The following PPP3CC variants were observed in gnomAD, a reference collection of about 807,000 sequenced individuals.
The protein encoded by PPP3CC is protein phosphatase 3 catalytic subunit gamma.
A neutral mutation model predicts 60.3 loss-of-function variants in PPP3CC; 35 were observed. The ratio of observed to expected loss-of-function variants is 0.58; its 90% CI spans 0.44 to 0.77. The LOEUF (loss-of-function observed/expected upper bound fraction) is 0.77. Ranked by LOEUF, PPP3CC falls within the 30% of genes least tolerant of loss-of-function variation. The pLI is 0.00. For synonymous variants in PPP3CC, 206 were observed against 224.3 expected, an observed-to-expected ratio of 0.92 and a Z score of 0.73; for missense variants, 570 against 628.9, an observed-to-expected ratio of 0.91 and a Z score of 1.00.
At chr8:22,470,106 T>C (rs1241359664) in intron 1 of PPP3CC, among the ~76,000 whole-genome samples, 2 of 151,572 alleles carry the variant, frequency 1.3e-5, no homozygotes, top group Non-Finnish European at 2.9e-5. Flanking sequence ...ATATGTTCTC[T>C]GCTGTATCAT....
intron 3 of PPP3CC, among the ~76,000 whole-genome samples, chr8:22,481,195 C>T (rs1184320288): frequency 2.6e-5 from 4 of 151,954 alleles, no homozygotes; most frequent in African/African-American, 4.8e-5. Context: ...GTTAGCCGGG[C>T]GTGGTGGTGG....
intron 3 of PPP3CC, among the ~76,000 whole-genome samples, chr8:22,484,891 A>C (rs1398860958): frequency 6.6e-6 from 1 of 152,218 alleles, no homozygotes; most frequent in Admixed American, 6.5e-5. Flanking sequence ...GAGGAGGCAG[A>C]GCGGGAGGGG....
Position 22,528,489 on chromosome 8 carries a change from T to C in PPP3CC, c.1070-17T>C. The C allele has an allele frequency of 6.7e-7, 1 of 1,486,902 alleles. No homozygotes were observed. Among genetic ancestry groups the C allele is most frequent in the Middle Eastern group, 1.8e-4 (1 of 5,646 alleles). The allele number at this position is 1,486,902 out of a possible 1,614,324, so 92.1% of individuals were successfully genotyped here. A position where few individuals can be genotyped will look rare whatever the true frequency, so the allele number is the denominator to read the frequency against. On this transcript the variant is annotated splice_polypyrimidine_tract_variant and intron_variant, in intron 9 of 13. Coordinates refer to ENST00000240139, the MANE Select transcript of PPP3CC (RefSeq NM_005605.5). Reference sequence around the variant, plus strand: ...CTCATTAATCGCGTAAATTTTGGATTATTTTGTCTTACTTAGTCACAGAGA... The same window carrying C: ...CTCATTAATCGCGTAAATTTTGGATCATTTTGTCTTACTTAGTCACAGAGA...
chr8:22,445,100 C>G (rs370991950), intron 1 of PPP3CC, among the ~76,000 whole-genome samples: 69 of 152,292 alleles, frequency 4.5e-4, no homozygotes, highest in African/African-American at 1.6e-3. Flanking sequence ...TTCTCCCTTT[C>G]TCTTAGAATT....
At position 22,482,819 on chromosome 8, in the gene PPP3CC, G is replaced by A. The variant is rs557796146; in HGVS notation, c.372+7195G>A. On this transcript the variant is annotated intron_variant, in intron 3 of 13. Coordinates refer to ENST00000240139, the MANE Select transcript of PPP3CC (RefSeq NM_005605.5). ...ATTATGAATGTTTCAATTCAGCTAC[G>A]TCAAGAAAAGCCAAGATACAGTAGA... 3.3e-5 allele frequency among the ~76,000 whole-genome samples: 5 copies of A among 152,250 alleles called. No individual in the cohort carries two copies. The South Asian group carries it at 6.2e-4, about 19-fold the overall frequency.
intron 1 of PPP3CC, among the ~76,000 whole-genome samples, chr8:22,460,487 C>T (rs181071868): frequency 3.3e-5 from 5 of 151,866 alleles, no homozygotes; most frequent in South Asian, 2.1e-4. Flanking sequence ...CCACCATTCC[C>T]AGGCCAAAAC....
At position 22,441,284 on chromosome 8, in the gene PPP3CC, G is replaced by A. The variant is rs1205650700; in HGVS notation, c.-126G>A. 2.2e-6 allele frequency: 2 copies of A among 909,688 alleles called. No homozygotes were observed. Among genetic ancestry groups the A allele is most frequent in the Non-Finnish European group, 3.1e-6 (2 of 645,412 alleles). The allele number at this position is 909,688 out of a possible 1,614,324, so 56.4% of individuals were successfully genotyped here. A position where few individuals can be genotyped will look rare whatever the true frequency, so the allele number is the denominator to read the frequency against. On this transcript the variant is annotated 5_prime_UTR_variant, in exon 1 of 14. Coordinates refer to ENST00000240139, the MANE Select transcript of PPP3CC (RefSeq NM_005605.5). Reference sequence around the variant, plus strand: ...CTTCTGGTGCTCGGACACCGCTGAGGAGCCGGGGCCGGGCACGGCTGGCTG... The same window carrying A: ...CTTCTGGTGCTCGGACACCGCTGAGAAGCCGGGGCCGGGCACGGCTGGCTG...
intron 1 of PPP3CC, among the ~76,000 whole-genome samples, chr8:22,455,485 A>G (rs1176744637): frequency 1.3e-5 from 2 of 152,080 alleles, no homozygotes; most frequent in African/African-American, 4.8e-5. Flanking sequence ...GTGCCTACGT[A>G]TGTTTTTTTC....
chr8:22,451,251 C>G (rs913810432), intron 1 of PPP3CC, among the ~76,000 whole-genome samples: 1 of 150,940 alleles, frequency 6.6e-6, no homozygotes, highest in African/African-American at 2.4e-5. Flanking sequence ...TTCTCCTGCC[C>G]CAGCCTCCCG....
intron 1 of PPP3CC, among the ~76,000 whole-genome samples, chr8:22,468,491 T>G (rs748073115): frequency 2.0e-5 from 3 of 152,230 alleles, no homozygotes; most frequent in African/African-American, 7.2e-5. Flanking sequence ...ATAAATAGTT[T>G]ATTTTTACAT....
intron 3 of PPP3CC, among the ~76,000 whole-genome samples, chr8:22,486,720 G>GT (rs1172731249): frequency 6.7e-6 from 1 of 148,758 alleles, no homozygotes; most frequent in Non-Finnish European, 1.5e-5. Context: ...GACTTGATGT[G>GT]TTTTTTGTTT....
At chr8:22,483,388 G>A (rs572274600) in intron 3 of PPP3CC, among the ~76,000 whole-genome samples, 2 of 152,284 alleles carry the variant, frequency 1.3e-5, no homozygotes, top group East Asian at 1.9e-4. Flanking sequence ...CAGGGTTCAC[G>A]CCATTCTCCT....
intron 1 of PPP3CC, among the ~76,000 whole-genome samples, chr8:22,471,995 C>T (rs773726535): frequency 1.5e-4 from 23 of 151,862 alleles, no homozygotes; most frequent in Non-Finnish European, 3.2e-4. Flanking sequence ...GGCATGGTGG[C>T]GCACACCTGT....
rs9314375 is a variant in PPP3CC, at chr8:22,524,313, T to C, written c.943+1564T>C. ...CAAAATATAATTAATATTTACTCTATTTAAAAGTAAACCATGGAATGGCAC... is the reference window on the plus strand; with the variant it reads ...CAAAATATAATTAATATTTACTCTACTTAAAAGTAAACCATGGAATGGCAC... On this transcript the variant is annotated intron_variant, in intron 8 of 13. Transcript: ENST00000240139. 2.6e-3 allele frequency among the ~76,000 whole-genome samples: 396 copies of C among 152,318 alleles called. 3 individuals are homozygous for C. Among genetic ancestry groups the C allele is most frequent in the African/African-American group, 9.1e-3 (380 of 41,572 alleles).
chr8:22,510,933 A>G, intron 4 of PPP3CC, 153 bp from the exon 5 acceptor site: 3 of 805,064 alleles, frequency 3.7e-6, no homozygotes, highest in Non-Finnish European at 5.8e-6. Flanking sequence ...TATTATCCAC[A>G]ACTTTTCAAA....
At chr8:22,493,064 G>T (rs1026967238) in intron 3 of PPP3CC, 1 of 1,483,148 alleles carries the variant, frequency 6.7e-7, no homozygotes, top group Non-Finnish European at 9.3e-7. Context: ...ATTTTGATGA[G>T]GCTTCCAAGA....
At position 22,445,756 on chromosome 8, in the gene PPP3CC, A is replaced by C. The variant is rs541422741; in HGVS notation, c.49+4298A>C. Among the ~76,000 whole-genome samples the C allele has an allele frequency of 4.4e-4, 67 of 152,338 alleles. No individual in the cohort carries two copies. In the South Asian group the frequency reaches 6.2e-3, roughly 14 times the overall value. Reference sequence around the variant, plus strand: ...AAACATTTTCAAGTATAAATTTTCAATGTGAATACGTTTTAAAGTTGATAT... The same window carrying C: ...AAACATTTTCAAGTATAAATTTTCACTGTGAATACGTTTTAAAGTTGATAT... On this transcript the variant is annotated intron_variant, in intron 1 of 13. Transcript: ENST00000240139.
At chr8:22,490,067 C>T (rs1838353711) in intron 3 of PPP3CC, among the ~76,000 whole-genome samples, 1 of 151,926 alleles carries the variant, frequency 6.6e-6, no homozygotes, top group South Asian at 2.1e-4. Flanking sequence ...TCGTGATCTA[C>T]CCACCTTGGC....
At chr8:22,504,505 G>T (rs2132524701) in intron 4 of PPP3CC, among the ~76,000 whole-genome samples, 1 of 152,072 alleles carries the variant, frequency 6.6e-6, no homozygotes, top group African/African-American at 2.4e-5. Context: ...TCTCGCCTAT[G>T]TTGCCAAGGC....
Sources: gnomAD v4.1 joint callset for allele counts (sites outside exome capture counted in the v4.1 genomes callset) on GRCh38, gnomAD v4.1.1 for gene constraint, MANE v1.5 for transcripts, NCBI Gene and HGNC (gene_info 2026-07-23, HGNC 2026-07-21) for gene names.